DOCK10: variants seen among roughly 807,000 people sequenced by gnomAD.
DOCK10 encodes dedicator of cytokinesis 10, also known as dedicator of cytokinesis protein 10.
In DOCK10, 145 loss-of-function variants were observed where a neutral mutation model predicts 280.1. The observed-to-expected ratio is 0.52, with a 90% CI of 0.45 to 0.59. DOCK10 has a LOEUF of 0.59. Among genes scored for constraint, DOCK10 ranks in the 20% least tolerant of loss-of-function variants. The pLI, the probability that DOCK10 is intolerant of heterozygous loss-of-function variation, is 0.00. For missense variants in DOCK10, 2,368 were observed against 2,651.7 expected, an observed-to-expected ratio of 0.89 and a Z score of 2.35; for synonymous variants, 915 against 942.2, an observed-to-expected ratio of 0.97 and a Z score of 0.53.
intron 1 of DOCK10, among the ~76,000 whole-genome samples, chr2:225,005,949 A>C (rs988671740): frequency 6.6e-6 from 1 of 152,248 alleles, no homozygotes; most frequent in African/African-American, 2.4e-5. Context: ...GCTGATGCTC[A>C]CTGCCAAAGA....
At chr2:224,894,772 C>A (rs1218870398) in intron 4 of DOCK10, among the ~76,000 whole-genome samples, 2 of 152,102 alleles carry the variant, frequency 1.3e-5, no homozygotes, top group Admixed American at 1.3e-4. Flanking sequence ...TTTCTCTTCA[C>A]GGTAATGAAA....
At chr2:225,022,816 G>C (rs1689816969) in intron 1 of DOCK10, among the ~76,000 whole-genome samples, 1 of 152,104 alleles carries the variant, frequency 6.6e-6, no homozygotes, top group Non-Finnish European at 1.5e-5. Flanking sequence ...GGTAAAAGTT[G>C]GTATACATGG....
At chr2:224,879,855 T>A (rs990755695) in intron 7 of DOCK10, among the ~76,000 whole-genome samples, 2 of 152,188 alleles carry the variant, frequency 1.3e-5, no homozygotes, top group Admixed American at 6.5e-5. Context: ...AGGACATTTT[T>A]AAGTATTTGA....
intron 1 of DOCK10, among the ~76,000 whole-genome samples, chr2:225,014,425 A>G (rs922075531): frequency 5.9e-5 from 9 of 152,180 alleles, no homozygotes; most frequent in East Asian, 1.9e-4. Context: ...GTGCTATAAT[A>G]TACTAAGATA....
At chr2:224,980,448 C>T (rs1415359351) in intron 1 of DOCK10, among the ~76,000 whole-genome samples, 2 of 152,314 alleles carry the variant, frequency 1.3e-5, no homozygotes, top group East Asian at 3.9e-4. Context: ...CACCTTCAAA[C>T]TTTGCAACTT....
intron 1 of DOCK10, among the ~76,000 whole-genome samples, chr2:225,017,735 C>T (rs1689656214): frequency 6.9e-6 from 1 of 144,588 alleles, no homozygotes; most frequent in Admixed American, 6.9e-5. Flanking sequence ...AAAGGAAATG[C>T]TGGCCTTGCT....
intron 1 of DOCK10, among the ~76,000 whole-genome samples, chr2:224,984,947 T>G (rs934301496): frequency 2.0e-5 from 3 of 151,962 alleles, no homozygotes; most frequent in African/African-American, 7.3e-5. Flanking sequence ...GTTCAAGTGA[T>G]TCTCGTGCCT....
chr2:224,800,808 C>G (rs1008077051), intron 40 of DOCK10, among the ~76,000 whole-genome samples: 2 of 152,106 alleles, frequency 1.3e-5, no homozygotes, highest in African/African-American at 4.8e-5. Flanking sequence ...TCAGGAAACC[C>G]TGAGAACATG....
Position 224,837,705 on chromosome 2 carries a change from T to C in DOCK10, c.2850+57A>G, listed in dbSNP as rs375184398. The stretch of plus-strand genomic sequence containing the variant: ...CTTCCCACTTACTGCAGACAGGAAA[T>C]GAGACAAGTCACACAGCACAAGGGG... On this transcript the variant is annotated intron_variant, in intron 25 of 55. Transcript: ENST00000258390. 452 of 1,453,520 alleles carry C rather than the reference T, an allele frequency of 3.1e-4. 1 individual carries two copies. Among genetic ancestry groups the C allele is most frequent in the Non-Finnish European group, 4.2e-4 (438 of 1,034,282 alleles). 90.0% of individuals were successfully genotyped at this position (1,453,520 alleles called of 1,614,324 possible).
At chr2:224,867,380 C>T (rs1697997676) in intron 11 of DOCK10, among the ~76,000 whole-genome samples, 1 of 152,192 alleles carries the variant, frequency 6.6e-6, no homozygotes, top group African/African-American at 2.4e-5. Flanking sequence ...GGCTGCCCTG[C>T]ACCTGTATCA....
At chr2:224,895,688 TTCAGGTAG>T (rs1482457168) in intron 4 of DOCK10, among the ~76,000 whole-genome samples, 2 of 152,162 alleles carry the variant, frequency 1.3e-5, no homozygotes, top group African/African-American at 4.8e-5. Context: ...TCTATTTTTG[TTCAGGTAG>T]TCAGGTGAGC....
intron 2 of DOCK10, among the ~76,000 whole-genome samples, chr2:224,917,184 C>T (rs12987589): frequency 7.5e-6 from 1 of 133,034 alleles, no homozygotes; most frequent in Admixed American, 8.7e-5. Flanking sequence ...TGGCTCACTG[C>T]AACCTCCGCC....
At chr2:224,907,086 A>G (rs1197847392) in intron 3 of DOCK10, among the ~76,000 whole-genome samples, 1 of 152,254 alleles carries the variant, frequency 6.6e-6, no homozygotes, top group East Asian at 1.9e-4. Flanking sequence ...AATTGCAATT[A>G]GCAGAGTCTT....
intron 50 of DOCK10, chr2:224,784,888 CATGATCAGGTT>C: frequency 2.9e-6 from 2 of 678,574 alleles, no homozygotes; most frequent in Non-Finnish European, 2.3e-6. Flanking sequence ...ATCCTGTTTT[CATGATCAGGTT>C]ATTAACGGGG....
chr2:225,037,056 A>G (rs1690280890), intron 1 of DOCK10, among the ~76,000 whole-genome samples: 3 of 152,218 alleles, frequency 2.0e-5, no homozygotes, highest in South Asian at 4.1e-4. Flanking sequence ...TTAAATGGTA[A>G]TACATACTCC....
chr2:224,829,858 C>T (rs1314173390), intron 27 of DOCK10, among the ~76,000 whole-genome samples: 8 of 152,150 alleles, frequency 5.3e-5, no homozygotes, highest in Non-Finnish European at 1.2e-4. Flanking sequence ...TTAATTCCAT[C>T]AGGGTCCCTC....
intron 51 of DOCK10, 32 bp from the exon 52 acceptor site, chr2:224,775,147 G>C: frequency 6.3e-7 from 1 of 1,597,122 alleles, no homozygotes; most frequent in South Asian, 1.1e-5. Context: ...AAAGTGAGTG[G>C]TGTGCCCTGG....
At chr2:224,888,322 T>C (rs1336613832) in intron 4 of DOCK10, among the ~76,000 whole-genome samples, 1 of 151,952 alleles carries the variant, frequency 6.6e-6, no homozygotes, top group Admixed American at 6.6e-5. Context: ...TGTGTGCGTG[T>C]GCGTGTGTAT....
intron 2 of DOCK10, among the ~76,000 whole-genome samples, chr2:224,929,851 T>C (rs1165391181): frequency 6.6e-6 from 1 of 152,088 alleles, no homozygotes; most frequent in Admixed American, 6.6e-5. Flanking sequence ...TTGAAGGACA[T>C]AACTAGGAGA....
Sources: gnomAD v4.1 joint callset for allele counts (sites outside exome capture counted in the v4.1 genomes callset) on GRCh38, gnomAD v4.1.1 for gene constraint, MANE v1.5 for transcripts, NCBI Gene and HGNC (gene_info 2026-07-23, HGNC 2026-07-21) for gene names.